ALOX5: variants seen among roughly 807,000 people sequenced by gnomAD.
ALOX5 encodes polyunsaturated fatty acid 5-lipoxygenase.
Under a neutral mutation model 87.9 loss-of-function variants are expected in ALOX5, and 64 were observed. The ratio of observed to expected loss-of-function variants is 0.73; its 90% CI spans 0.60 to 0.90. The LOEUF is 0.90. Ranked by LOEUF, ALOX5 falls within the 40% of genes least tolerant of loss-of-function variation. The pLI is 0.00. For synonymous variants in ALOX5, 388 were observed against 355.1 expected (o/e 1.09, Z -1.04); for missense variants, 822 against 907.5 (o/e 0.91, Z 1.21).
chr10:45,391,292 G>A (rs1294869216), intron 2 of ALOX5, among the ~76,000 whole-genome samples: 5 of 152,150 alleles, frequency 3.3e-5, no homozygotes, highest in African/African-American at 4.8e-5. Flanking sequence ...ACGGGGTTTC[G>A]CTGTGTTGGC....
At chr10:45,393,327 A>G (rs977604382) in intron 2 of ALOX5, among the ~76,000 whole-genome samples, 11 of 152,244 alleles carry the variant, frequency 7.2e-5, no homozygotes, top group African/African-American at 2.4e-4. Flanking sequence ...GTAATCCAGC[A>G]TATAAACAGA....
intron 3 of ALOX5, among the ~76,000 whole-genome samples, chr10:45,403,395 G>A (rs1191709717): frequency 6.6e-6 from 1 of 152,178 alleles, no homozygotes; most frequent in African/African-American, 2.4e-5. Flanking sequence ...TTAGGGAGGT[G>A]TGTCATAGCG....
rs755881004 is a variant in ALOX5, at chr10:45,443,530, G to A, written c.1566G>A (p.Lys522=). ...DVYVYGMRGR[K]SSGFPKSVKS... is the part of the protein sequence containing the mutation. ...ACGTGTACGGCATGCGGGGCCGCAA[G>A]TCCTCAGGTAGGGCCTCCGGGACGT... Residue 522 remains lysine (K), a synonymous_variant, in exon 11 of 14, where the codon AAG becomes AAA. Coordinates refer to ENST00000374391, the MANE Select transcript of ALOX5 (RefSeq NM_000698.5). The A allele has an allele frequency of 6.2e-7, 1 of 1,612,386 alleles. No homozygotes were observed. The highest frequency in any genetic ancestry group is 8.5e-7 in the Non-Finnish European group (1 of 1,179,138).
At chr10:45,440,956 C>G (rs1842216916) in intron 8 of ALOX5, among the ~76,000 whole-genome samples, 1 of 152,220 alleles carries the variant, frequency 6.6e-6, no homozygotes, top group African/African-American at 2.4e-5. Context: ...CGTCCCTGTT[C>G]TCGAATCCTA....
rs754256319 is a variant in ALOX5, at chr10:45,445,578, G to A, written c.1916G>A (p.Arg639His). ...GTGAAGGAAGCCATGGCCCGATTCC[G>A]CAAGAACCTCGAGGCCATTGTCAGC... ...KPVKEAMARF[R>H]KNLEAIVSVI... The change falls in exon 14 of 14, where the codon CGC becomes CAC. Residue 639 changes from arginine (R) to histidine (H), a missense_variant. Physicochemically the swap from Arg to His is conservative, Grantham distance 29. Transcript: ENST00000374391. The A allele has an allele frequency of 8.1e-6, 13 of 1,614,016 alleles. No homozygotes were observed. Among genetic ancestry groups the A allele is most frequent in the African/African-American group, 6.7e-5 (5 of 74,926 alleles).
chr10:45,382,615 T>C lies in ALOX5; in HGVS notation c.283T>C (p.Tyr95His), dbSNP rs1839876337. Residue 95 changes from tyrosine (Y) to histidine (H), a missense_variant, in exon 2 of 14, where the codon TAC becomes CAC. Transcript: ENST00000374391. ...CACGCTGAAGACGCCCCACGGGGAC[T>C]ACATCGAGTTCCCCTGCTACCGCTG... The part of the protein sequence containing the change: ...YITLKTPHGD[Y>H]IEFPCYRWIT... 6.2e-7 allele frequency: 1 copy of C among 1,614,026 alleles called. No individual in the cohort carries two copies. Among genetic ancestry groups the C allele is most frequent in the Non-Finnish European group, 8.5e-7 (1 of 1,180,028 alleles).
rs769774252 is a variant in ALOX5 at position 45,445,540 on chromosome 10, T to G, written c.1878T>G (p.Phe626Leu). The change falls in exon 14 of 14, where the codon TTT becomes TTG. Residue 626 changes from phenylalanine to leucine, a missense_variant. Transcript: ENST00000374391. The stretch of plus-strand genomic sequence containing the variant: ...TGGGCATGTACCCAGAAGAGCATTT[T>G]ATCGAGAAGCCTGTGAAGGAAGCCA... Reference protein sequence around the residue: ...LFLGMYPEEHFIEKPVKEAMA... With the variant: ...LFLGMYPEEHLIEKPVKEAMA... 14 of 1,614,146 alleles carry G rather than the reference T, an allele frequency of 8.7e-6. No homozygotes were observed. The highest frequency in any genetic ancestry group is 8.3e-5 in the Admixed American group (5 of 60,026).
At chr10:45,408,630 G>A (rs1054727048) in intron 3 of ALOX5, among the ~76,000 whole-genome samples, 1 of 152,168 alleles carries the variant, frequency 6.6e-6, no homozygotes, top group African/African-American at 2.4e-5. Flanking sequence ...CTGATCAGTT[G>A]TGCCTGAATT....
chr10:45,445,775 T>C lies in ALOX5; in HGVS notation c.*88T>C. The C allele has an allele frequency of 1.4e-6, 2 of 1,415,080 alleles. No homozygotes were observed. Among genetic ancestry groups the C allele is most frequent in the Non-Finnish European group, 1.9e-6 (2 of 1,027,202 alleles). 87.7% of individuals were successfully genotyped at this position (1,415,080 alleles called of 1,614,324 possible). A position where few individuals can be genotyped will look rare whatever the true frequency, so the allele number is the denominator to read the frequency against. ...TGGCAGGCTGTCTGGCCAGGCCTCT[T>C]GGCAGTCACATCTCTTCCTCCGAGG... On this transcript the variant is annotated 3_prime_UTR_variant, in exon 14 of 14. Transcript: ENST00000374391.
intron 2 of ALOX5, among the ~76,000 whole-genome samples, chr10:45,382,997 G>A (rs997094890): frequency 6.6e-6 from 1 of 152,234 alleles, no homozygotes; most frequent in Non-Finnish European, 1.5e-5. Flanking sequence ...GATACCTATG[G>A]GACATGCCCC....
At chr10:45,374,701 G>A (rs1839526893) in intron 1 of ALOX5, among the ~76,000 whole-genome samples, 1 of 152,206 alleles carries the variant, frequency 6.6e-6, no homozygotes, top group African/African-American at 2.4e-5. Context: ...CGTGCCGCCT[G>A]CAAGGCGTCT....
chr10:45,409,623 TTC>T (rs1433101591), intron 3 of ALOX5, among the ~76,000 whole-genome samples: 6 of 150,080 alleles, frequency 4.0e-5, no homozygotes, highest in Non-Finnish European at 5.9e-5. Context: ...CTCTCTCTCT[TTC>T]TCTCTCTCTC....
At position 45,443,180 on chromosome 10, in the gene ALOX5, G is replaced by C; in HGVS notation, c.1415G>C (p.Arg472Pro). 6.2e-7 allele frequency: 1 copy of C among 1,613,710 alleles called. No homozygotes were observed. The highest frequency in any genetic ancestry group is 8.5e-7 in the Non-Finnish European group (1 of 1,179,976). Reference protein sequence around the residue: ...SKEDIPYYFYRDDGLLVWEAI... With the variant: ...SKEDIPYYFYPDDGLLVWEAI... ...GAAGACATCCCCTACTACTTCTACC[G>C]GGACGACGGGCTCCTGGTGTGGGAA... The change falls in exon 10 of 14, where the codon CGG becomes CCG. Residue 472 changes from arginine (R) to proline (P), a missense_variant. Arg to Pro is a moderately radical substitution (Grantham distance 103). Transcript: ENST00000374391.
Position 45,412,231 on chromosome 10 carries a change from G to C in ALOX5, c.472G>C (p.Ala158Pro), listed in dbSNP as rs968896012. Residue 158 changes from alanine (A) to proline (P), a missense_variant, in exon 4 of 14, where the codon GCC becomes CCC. By Grantham distance (27) the Ala-to-Pro change is conservative. Coordinates refer to ENST00000374391, the MANE Select transcript of ALOX5 (RefSeq NM_000698.5). ...CCCTGGCTTCCCCTTGAGCATCGAT[G>C]CCAAATGCCACAAGGATTTACCCCG... ...WNPGFPLSID[A>P]KCHKDLPRDI... is the part of the protein sequence containing the mutation. The C allele has an allele frequency of 2.5e-6, 4 of 1,613,988 alleles. No homozygotes were observed. The highest frequency in any genetic ancestry group is 3.4e-6 in the Non-Finnish European group (4 of 1,180,010).
intron 2 of ALOX5, among the ~76,000 whole-genome samples, chr10:45,389,524 C>G (rs935084999): frequency 3.9e-5 from 6 of 152,002 alleles, no homozygotes; most frequent in East Asian, 1.9e-4. Context: ...CCAGAAGAGA[C>G]TGGGGGCCAA....
At chr10:45,434,903 A>T (rs950960334) in intron 7 of ALOX5, among the ~76,000 whole-genome samples, 1 of 152,062 alleles carries the variant, frequency 6.6e-6, no homozygotes, top group Non-Finnish European at 1.5e-5. Flanking sequence ...AGATGAGATG[A>T]TGTTTTCTTT....
chr10:45,419,723 A>C (rs1037666533), intron 4 of ALOX5, among the ~76,000 whole-genome samples: 7 of 101,168 alleles, frequency 6.9e-5, no homozygotes, highest in Admixed American at 5.1e-4. Flanking sequence ...TGGGCGGCAG[A>C]GTGAGACCCT....
chr10:45,374,572 A>C (rs12763738), intron 1 of ALOX5, 143 bp downstream of exon 1: 122,383 of 795,714 alleles, frequency 0.15, 9,867 homozygotes, highest in East Asian at 0.18. Flanking sequence ...CCTGTCAGGG[A>C]GGGCAGAACT....
chr10:45,443,052 G>A lies in ALOX5; in HGVS notation c.1287G>A (p.Gly429=), dbSNP rs761325956. 1 of 1,612,948 alleles carries A rather than the reference G, an allele frequency of 6.2e-7. No individual in the cohort carries two copies. The highest frequency in any genetic ancestry group is 1.1e-5 in the South Asian group (1 of 91,042). The change falls in exon 10 of 14, where the codon GGG becomes GGA. Residue 429 remains glycine, a synonymous_variant. Transcript: ENST00000374391. ...TCCCACTCCAGGCCAACGCCACAGG[G>A]GGCGGTGGGCACGTGCAGATGGTGC... The part of the protein sequence containing the change: ...CGLFDKANAT[G]GGGHVQMVQR...
Sources: gnomAD v4.1 joint callset for allele counts (sites outside exome capture counted in the v4.1 genomes callset) on GRCh38, gnomAD v4.1.1 for gene constraint, MANE v1.5 for transcripts, NCBI Gene and HGNC (gene_info 2026-07-23, HGNC 2026-07-21) for gene names.